IMMP2L: variants seen among roughly 807,000 people sequenced by gnomAD.
IMMP2L encodes mitochondrial inner membrane protease subunit 2.
Under a neutral mutation model 19.3 loss-of-function variants are expected in IMMP2L, and 18 were observed. That is an observed-to-expected ratio of 0.93 (90% confidence interval 0.64 to 1.38). The LOEUF (loss-of-function observed/expected upper bound fraction) is 1.38, where lower values mean the gene tolerates loss of function less well. Among genes scored for constraint, IMMP2L ranks in the 40% most tolerant of loss-of-function variants. IMMP2L has a pLI of 0.00. For synonymous variants in IMMP2L, 76 were observed against 73.0 expected, an observed-to-expected ratio of 1.04 and a Z score of -0.21; for missense variants, 233 against 218.2, an observed-to-expected ratio of 1.07 and a Z score of -0.43.
At chr7:111,088,472 A>G (rs537562108) in intron 3 of IMMP2L, among the ~76,000 whole-genome samples, 17 of 152,186 alleles carry the variant, frequency 1.1e-4, no homozygotes, top group Non-Finnish European at 2.1e-4. Flanking sequence ...AAGGGAGAGA[A>G]GGAGGGAGAG....
intron 3 of IMMP2L, among the ~76,000 whole-genome samples, chr7:111,264,508 T>C (rs1817635385): frequency 6.6e-6 from 1 of 152,006 alleles, no homozygotes; most frequent in Non-Finnish European, 1.5e-5. Flanking sequence ...TAAGCAAGAT[T>C]TTCTTTTTTT....
intron 5 of IMMP2L, among the ~76,000 whole-genome samples, chr7:110,755,620 T>C (rs1220604183): frequency 1.3e-5 from 2 of 152,070 alleles, no homozygotes; most frequent in Admixed American, 6.6e-5. Context: ...TAGCGTATAG[T>C]GGTGTGAAAG....
intron 3 of IMMP2L, among the ~76,000 whole-genome samples, chr7:111,350,350 C>CATAT (rs35448482): frequency 6.7e-4 from 98 of 147,280 alleles, no homozygotes; most frequent in African/African-American, 1.8e-3. Context: ...TGCATATATA[C>CATAT]ATATATATAT....
At chr7:111,206,445 T>C (rs1810716446) in intron 3 of IMMP2L, among the ~76,000 whole-genome samples, 1 of 152,156 alleles carries the variant, frequency 6.6e-6, no homozygotes, top group Admixed American at 6.5e-5. Context: ...TACATTTATA[T>C]GCATTTTGGT....
chr7:111,513,129 C>T (rs1845597469), intron 2 of IMMP2L, among the ~76,000 whole-genome samples: 1 of 151,984 alleles, frequency 6.6e-6, no homozygotes, highest in African/African-American at 2.4e-5. Flanking sequence ...TCCTATCAAA[C>T]TGAAAAGTTT....
rs527680578 is a variant in IMMP2L, at chr7:110,681,714, G to C, written c.409-17993C>G. On this transcript the variant is annotated intron_variant, in intron 5 of 5. Transcript: ENST00000405709. ...CAAGCTGTGTGAGACACAGAATCAG[G>C]CCTTAAAAGGCTTATAATTCACAGA... Among the ~76,000 whole-genome samples the C allele has an allele frequency of 3.9e-5, 6 of 152,270 alleles. No individual in the cohort carries two copies. In the South Asian group the frequency reaches 8.3e-4, roughly 21 times the overall value.
At chr7:111,382,508 A>T (rs1268295638) in intron 3 of IMMP2L, among the ~76,000 whole-genome samples, 6 of 152,096 alleles carry the variant, frequency 3.9e-5, no homozygotes, top group Non-Finnish European at 4.4e-5. Flanking sequence ...AACTGTTTCT[A>T]AAATCTTAAC....
chr7:111,013,202 G>A (rs1373508462), intron 3 of IMMP2L, among the ~76,000 whole-genome samples: 1 of 152,126 alleles, frequency 6.6e-6, no homozygotes, highest in Non-Finnish European at 1.5e-5. Flanking sequence ...GACCTTATAA[G>A]CCACGATAAT....
chr7:111,474,415 T>C (rs1841542554), intron 3 of IMMP2L, among the ~76,000 whole-genome samples: 1 of 151,966 alleles, frequency 6.6e-6, no homozygotes, highest in Non-Finnish European at 1.5e-5. Context: ...ACATCACTTC[T>C]CCCATTTATA....
intron 3 of IMMP2L, among the ~76,000 whole-genome samples, chr7:111,138,823 G>A (rs1018793348): frequency 2.0e-5 from 3 of 152,070 alleles, no homozygotes; most frequent in African/African-American, 7.2e-5. Context: ...TTGGTCACTT[G>A]CCTGGAATAG....
chr7:111,124,228 G>T (rs543081195), intron 3 of IMMP2L: 1 of 1,613,904 alleles, frequency 6.2e-7, no homozygotes. Context: ...TATAAATGGC[G>T]TAACTCCCAA....
In IMMP2L at chr7:111,242,582, G is replaced by A. The variant is rs565505234; in HGVS notation, c.239+244656C>T. ...AACCACCCACGTACTTTTTGCATCG[G>A]CTGTATTTCACCTAGTGAGCTATTC... On this transcript the variant is annotated intron_variant, in intron 3 of 5. Coordinates refer to ENST00000405709, the MANE Select transcript of IMMP2L (RefSeq NM_032549.4). Among the ~76,000 whole-genome samples the A allele has an allele frequency of 3.3e-5, 5 of 152,064 alleles. No homozygotes were observed. The South Asian group carries it at 8.3e-4, about 25-fold the overall frequency.
At chr7:110,675,847 C>T (rs1227697995) in intron 5 of IMMP2L, among the ~76,000 whole-genome samples, 1 of 152,096 alleles carries the variant, frequency 6.6e-6, no homozygotes, top group Non-Finnish European at 1.5e-5. Flanking sequence ...AATAATTAAA[C>T]TGGGACAGCA....
intron 3 of IMMP2L, among the ~76,000 whole-genome samples, chr7:111,372,203 T>C (rs1584842482): frequency 6.6e-6 from 1 of 152,032 alleles, no homozygotes; most frequent in East Asian, 1.9e-4. Context: ...GATGTGATTA[T>C]TATACATTGC....
intron 3 of IMMP2L, among the ~76,000 whole-genome samples, chr7:111,357,198 T>C (rs1056299099): frequency 5.3e-5 from 8 of 152,172 alleles, no homozygotes; most frequent in African/African-American, 1.7e-4. Flanking sequence ...CACATCTGTG[T>C]TGTTCTTTTC....
intron 3 of IMMP2L, among the ~76,000 whole-genome samples, chr7:111,065,308 T>C (rs1794390507): frequency 6.6e-6 from 1 of 152,238 alleles, no homozygotes; most frequent in Non-Finnish European, 1.5e-5. Flanking sequence ...GATTGGTGCA[T>C]TTCCGGTTGT....
chr7:110,927,075 A>G (rs1393949686), intron 4 of IMMP2L, among the ~76,000 whole-genome samples: 1 of 152,082 alleles, frequency 6.6e-6, no homozygotes, highest in Non-Finnish European at 1.5e-5. Flanking sequence ...TATAAAAAAC[A>G]ACACAGATTC....
At chr7:111,108,280 T>G (rs1798777433) in intron 3 of IMMP2L, among the ~76,000 whole-genome samples, 1 of 152,196 alleles carries the variant, frequency 6.6e-6, no homozygotes, top group South Asian at 2.1e-4. Flanking sequence ...TATTAATGTT[T>G]ATTATTGCTC....
intron 5 of IMMP2L, among the ~76,000 whole-genome samples, chr7:110,672,903 C>A (rs1215963911): frequency 6.6e-6 from 1 of 152,174 alleles, no homozygotes; most frequent in Non-Finnish European, 1.5e-5. Context: ...GCAGCTTTTC[C>A]AGGTGCACAA....
Sources: allele counts gnomAD v4.1 joint callset (sites outside exome capture counted in the v4.1 genomes callset), GRCh38; gene constraint gnomAD v4.1.1; transcripts MANE v1.5; gene names NCBI Gene and HGNC (gene_info 2026-07-23, HGNC 2026-07-21).